Variants in MYH1 observed in about 807,000 individuals in gnomAD.
MYH1 encodes the protein myosin heavy chain 1.
A neutral mutation model predicts 225.6 loss-of-function variants in MYH1; 214 were observed. That is an observed-to-expected ratio of 0.95 (90% CI 0.85 to 1.06). The LOEUF (loss-of-function observed/expected upper bound fraction) is 1.06. Ranked by LOEUF, MYH1 falls within the 50% of genes least tolerant of loss-of-function variation. The probability of loss-of-function intolerance (pLI) is 0.00; values close to 1 mark genes in which losing one functional copy is unlikely to be tolerated. For synonymous variants in MYH1, 774 were observed against 842.3 expected, an observed-to-expected ratio of 0.92 and a Z score of 1.40; for missense variants, 2,098 against 2,344.2, an observed-to-expected ratio of 0.89 and a Z score of 2.17.
chr17:10,497,503 T>C, intron 31 of MYH1, 51 bp from the exon 32 acceptor site: 1 of 1,570,618 alleles, frequency 6.4e-7, no homozygotes, highest in Non-Finnish European at 8.6e-7. Flanking sequence ...TTTGATGAGA[T>C]AAAAACCATC....
rs1020787646 is a variant in MYH1 at position 10,505,873 on chromosome 17, C to A, written c.2113G>T (p.Gly705Cys). ...HQLRCNGVLE[G>C]IRICRKGFPS... is the part of the protein sequence containing the mutation. ...AAGCCTTTCCTGCAGATGCGGATGC[C>A]TTCCAGCACACCGTTACACCTCAGC... The change falls in exon 19 of 40, where the codon GGC becomes TGC. Residue 705 changes from glycine to cysteine, a missense_variant. Physicochemically the swap from Gly to Cys is radical, Grantham distance 159. Transcript: ENST00000226207. The A allele has an allele frequency of 6.2e-7, 1 of 1,614,000 alleles. No homozygotes were observed. The highest frequency in any genetic ancestry group is 1.3e-5 in the African/African-American group (1 of 74,916).
At chr17:10,495,385 A>G in intron 35 of MYH1, 68 bp from the exon 36 acceptor site, 1 of 1,555,240 alleles carries the variant, frequency 6.4e-7, no homozygotes, top group Non-Finnish European at 8.8e-7. Flanking sequence ...TCATGTTCTA[A>G]TGAACCATAA....
chr17:10,497,211 A>G lies in MYH1; in HGVS notation c.4532-18T>C, dbSNP rs1449331284. Reference sequence around the variant, plus strand: ...AATCTCCTCTGTTGGTGAACAAAAAATATAGAAATTTGTTTATAGTTGGAA... The same window carrying G: ...AATCTCCTCTGTTGGTGAACAAAAAGTATAGAAATTTGTTTATAGTTGGAA... On this transcript the variant is annotated intron_variant, in intron 32 of 39. Transcript: ENST00000226207. The G allele has an allele frequency of 5.0e-6, 8 of 1,598,374 alleles. No individual in the cohort carries two copies. The highest frequency in any genetic ancestry group is 6.8e-6 in the Non-Finnish European group (8 of 1,175,772).
intron 15 of MYH1, among the ~76,000 whole-genome samples, 200 bp from the exon 16 acceptor site, chr17:10,508,872 C>T (rs1021585444): frequency 6.6e-6 from 1 of 152,304 alleles, no homozygotes; most frequent in East Asian, 1.9e-4. Context: ...CTGTATCAGG[C>T]TCTGGGATAT....
In MYH1 at chr17:10,513,681, G is replaced by A. The variant is rs188028622; in HGVS notation, c.750C>T (p.Phe250=). Residue 250 remains phenylalanine, a synonymous_variant, in exon 9 of 40, where the codon TTC becomes TTT. Transcript: ENST00000226207. ...RNDNSSRFGK[F]IRIHFGTTGK... is the part of the protein sequence containing the mutation. The stretch of plus-strand genomic sequence containing the variant: ...CTGTGGTACCGAAGTGGATCCTGAT[G>A]AATTTACCCTTGTAAGTAAAAAAAA... 3.1e-6 allele frequency: 5 copies of A among 1,613,960 alleles called. No individual in the cohort carries two copies. Among genetic ancestry groups the A allele is most frequent in the Non-Finnish European group, 3.4e-6 (4 of 1,179,950 alleles).
At chr17:10,498,949 G>T in intron 29 of MYH1, 25 bp downstream of exon 29, 2 of 1,602,300 alleles carry the variant, frequency 1.2e-6, no homozygotes, top group South Asian at 2.2e-5. Flanking sequence ...GAACAATAAT[G>T]ACAAGAATGA....
chr17:10,512,337 G>T, intron 12 of MYH1, 71 bp downstream of exon 12: 2 of 1,612,300 alleles, frequency 1.2e-6, no homozygotes. Context: ...CTGTAAAGAA[G>T]ACTTGAATTT....
At chr17:10,504,734 A>C (rs1245764091) in intron 22 of MYH1, 76 bp downstream of exon 22, 4 of 1,514,076 alleles carry the variant, frequency 2.6e-6, no homozygotes, top group Non-Finnish European at 2.7e-6. Context: ...ATTTGGTAGA[A>C]TCTAGATCTC....
At position 10,501,714 on chromosome 17, in the gene MYH1, A is replaced by C. The variant is rs760160485; in HGVS notation, c.3258-30T>G. 5 of 1,613,978 alleles carry C rather than the reference A, an allele frequency of 3.1e-6. No homozygotes were observed. The African/African-American group carries it at 6.7e-5, about 22-fold the overall frequency. ...TAGAAAAGCCCTTTATGTCAGTCTC[A>C]GAAATATTAAGAGTAATTTCCCCAC... On this transcript the variant is annotated intron_variant, in intron 25 of 39. Coordinates refer to ENST00000226207, the MANE Select transcript of MYH1 (RefSeq NM_005963.4).
At chr17:10,500,935 A>G (rs1212008732) in intron 27 of MYH1, among the ~76,000 whole-genome samples, 175 bp downstream of exon 27, 3 of 152,188 alleles carry the variant, frequency 2.0e-5, no homozygotes, top group African/African-American at 7.2e-5. Context: ...ACATAGTCCA[A>G]GCATACAGCC....
At position 10,516,146 on chromosome 17, in the gene MYH1, T is replaced by C. The variant is rs561680563; in HGVS notation, c.348+53A>G. ...TGGGGACCTTAATCATCTACTACTT[T>C]TCAAAAACTATTAACTACTCTCATG... On this transcript the variant is annotated intron_variant, in intron 4 of 39. Coordinates refer to ENST00000226207, the MANE Select transcript of MYH1 (RefSeq NM_005963.4). 6.8e-6 allele frequency: 11 copies of C among 1,613,278 alleles called. No homozygotes were observed. The South Asian group carries it at 7.7e-5, about 11-fold the overall frequency.
rs1182335450 is a variant in MYH1 at position 10,495,318 on chromosome 17, C to G, written c.5170-1G>C. 2 of 1,614,042 alleles carry G rather than the reference C, an allele frequency of 1.2e-6. No individual in the cohort carries two copies. On this transcript the variant is annotated splice_acceptor_variant, in intron 35 of 39. Coordinates refer to ENST00000226207, the MANE Select transcript of MYH1 (RefSeq NM_005963.4). LOFTEE classifies it high-confidence loss of function. The stretch of plus-strand genomic sequence containing the variant: ...TCTTGGTGTTGATCAGGCTGGTGTT[C>G]TGTTTAAAATGTGAAATTTAGAAAT...
Position 10,504,826 on chromosome 17 carries a change from T to G in MYH1, c.2675A>C (p.Gln892Pro), listed in dbSNP as rs764055730. 1 of 1,613,922 alleles carries G rather than the reference T, an allele frequency of 6.2e-7. No individual in the cohort carries two copies. The highest frequency in any genetic ancestry group is 1.1e-5 in the South Asian group (1 of 91,072). Reference protein sequence around the residue: ...VTLMQEKNDLQLQVQAEADSL... With the variant: ...VTLMQEKNDLPLQVQAEADSL... ...GATACTCACAGCTTGAACCTGGAGTTGCAAGTCATTTTTTTCTTGCATCAG... is the reference window on the plus strand; with the variant it reads ...GATACTCACAGCTTGAACCTGGAGTGGCAAGTCATTTTTTTCTTGCATCAG... Residue 892 changes from glutamine (Q) to proline (P), a missense_variant, in exon 22 of 40, where the codon CAA becomes CCA. Coordinates refer to ENST00000226207, the MANE Select transcript of MYH1 (RefSeq NM_005963.4).
At chr17:10,507,983 G>C (rs772652200) in intron 16 of MYH1, 27 bp from the exon 17 acceptor site, 1 of 1,574,502 alleles carries the variant, frequency 6.4e-7, no homozygotes, top group East Asian at 2.2e-5. Flanking sequence ...AGCAATCATA[G>C]GACAGCCTTT....
At chr17:10,513,494 G>T in intron 9 of MYH1, 132 bp downstream of exon 9, 2 of 885,914 alleles carry the variant, frequency 2.3e-6, no homozygotes, top group East Asian at 2.5e-5. Flanking sequence ...GGATAAGACT[G>T]ACATTAACCA....
At chr17:10,511,808 CT>C (rs35273298) in intron 14 of MYH1, 30 bp downstream of exon 14, 4 of 1,613,728 alleles carry the variant, frequency 2.5e-6, no homozygotes, top group East Asian at 2.2e-5. Flanking sequence ...TTGTTGGAAA[CT>C]TTTTTGGTAC....
At chr17:10,516,793 G>T in intron 2 of MYH1, 111 bp from the exon 3 acceptor site, 1 of 880,418 alleles carries the variant, frequency 1.1e-6, no homozygotes, top group Non-Finnish European at 1.7e-6. Flanking sequence ...GCATTGCATT[G>T]GGTATGACCA....
rs779697252 is a variant in MYH1, at chr17:10,512,114, A to C, written c.1226T>G (p.Val409Gly). ...LKALCYPRVKVGNEYVTKGQT... is the reference protein window; with the variant it reads ...LKALCYPRVKGGNEYVTKGQT... The stretch of plus-strand genomic sequence containing the variant: ...ACCTTTGGTGACATACTCATTGCCG[A>C]CCTTGACCCTAGGGTAGCAGAGGGC... The change falls in exon 13 of 40, where the codon GTC (valine) becomes GGC (glycine). Residue 409 changes from valine to glycine, a missense_variant. Transcript: ENST00000226207. The C allele has an allele frequency of 6.2e-7, 1 of 1,614,158 alleles. No homozygotes were observed. Among genetic ancestry groups the C allele is most frequent in the South Asian group, 1.1e-5 (1 of 91,084 alleles).
chr17:10,511,782 G>A, intron 14 of MYH1, 57 bp downstream of exon 14: 1 of 1,612,338 alleles, frequency 6.2e-7, no homozygotes, highest in Non-Finnish European at 8.5e-7. Flanking sequence ...CTATATGACT[G>A]CAGCAACAAG....
Sources: allele counts gnomAD v4.1 joint callset (sites outside exome capture counted in the v4.1 genomes callset), GRCh38; gene constraint gnomAD v4.1.1; transcripts MANE v1.5; gene names NCBI Gene and HGNC (gene_info 2026-07-23, HGNC 2026-07-21).